SIK3: variants seen among roughly 807,000 people sequenced by gnomAD.
SIK3 encodes the protein serine/threonine-protein kinase SIK3.
SIK3 carries 28 observed loss-of-function variants against 144.2 expected under a neutral mutation model. That is an observed-to-expected ratio of 0.19 (90% CI 0.14 to 0.27). The LOEUF is 0.27. SIK3 is among the 10% of genes least tolerant of loss of function. The pLI, the probability that SIK3 is intolerant of heterozygous loss-of-function variation, is 1.00. For synonymous variants in SIK3, 686 were observed against 676.3 expected, an observed-to-expected ratio of 1.01 and a Z score of -0.22; for missense variants, 1,319 against 1,776.0, an observed-to-expected ratio of 0.74 and a Z score of 4.62.
At chr11:117,036,586 TTA>T (rs1271199615) in intron 1 of SIK3, among the ~76,000 whole-genome samples, 1 of 152,238 alleles carries the variant, frequency 6.6e-6, no homozygotes, top group African/African-American at 2.4e-5. Context: ...AAGCAGAATT[TTA>T]GACTTTTCTC....
intron 1 of SIK3, among the ~76,000 whole-genome samples, chr11:117,064,090 GGCT>G (rs1448816382): frequency 1.3e-5 from 2 of 152,134 alleles, no homozygotes; most frequent in Non-Finnish European, 2.9e-5. Flanking sequence ...AATTCACAGA[GGCT>G]GCTCAGGATA....
intron 3 of SIK3, 45 bp from the exon 4 acceptor site, chr11:116,927,425 T>A: frequency 6.3e-7 from 1 of 1,588,282 alleles, no homozygotes; most frequent in South Asian, 1.1e-5. Flanking sequence ...TGGACACTTG[T>A]GTAATTTCAA....
intron 1 of SIK3, among the ~76,000 whole-genome samples, chr11:117,006,166 G>T (rs1302477206): frequency 2.6e-5 from 4 of 152,236 alleles, no homozygotes; most frequent in East Asian, 3.9e-4. Context: ...GGCACAGCAG[G>T]GTTAAGCATT....
chr11:116,933,065 C>G (rs908679469), intron 3 of SIK3, among the ~76,000 whole-genome samples: 5 of 152,018 alleles, frequency 3.3e-5, no homozygotes, highest in African/African-American at 1.2e-4. Context: ...ACCACCATGA[C>G]TGGCCTGATA....
intron 1 of SIK3, among the ~76,000 whole-genome samples, chr11:116,974,282 A>G (rs996051495): frequency 3.3e-5 from 5 of 152,254 alleles, no homozygotes; most frequent in African/African-American, 9.6e-5. Flanking sequence ...ACCAGACTAA[A>G]CAACAGCTTT....
chr11:116,857,983 C>T lies in SIK3; in HGVS notation c.3482G>A (p.Ser1161Asn). ...GCAACCTTTGGTCAATGTACTTGAA[C>T]TCTTACTGTCTTGGAAGCCATCCTT... ...GAKDGFQDSK[S>N]SSTLTKGCHD... Residue 1161 changes from serine to asparagine, a missense_variant, in exon 21 of 25, where the codon AGT (serine) becomes AAT (asparagine). This residue lies in a region of SIK3 where 646 missense variants were observed against 763.7 expected (regional missense o/e 0.85). Coordinates refer to ENST00000445177, the MANE Select transcript of SIK3 (RefSeq NM_001366686.3). 1 of 1,614,208 alleles carries T rather than the reference C, an allele frequency of 6.2e-7. No homozygotes were observed. Among genetic ancestry groups the T allele is most frequent in the Non-Finnish European group, 8.5e-7 (1 of 1,180,038 alleles).
intron 1 of SIK3, among the ~76,000 whole-genome samples, chr11:116,983,754 T>C (rs556831174): frequency 1.3e-5 from 2 of 152,162 alleles, no homozygotes; most frequent in East Asian, 1.9e-4. Flanking sequence ...ACTGTAAACA[T>C]GGTCTAGAAC....
chr11:116,953,056 T>C (rs997242396), intron 3 of SIK3, among the ~76,000 whole-genome samples: 11 of 152,044 alleles, frequency 7.2e-5, no homozygotes, highest in African/African-American at 2.7e-4. Flanking sequence ...AAAGATACTT[T>C]GACACACAAA....
In SIK3 at chr11:117,079,741, G is replaced by GA. The variant is rs200010506; in HGVS notation, c.273+18401dup. ...AATTTTAAAAAGCAAGCCATAAAGAGAAAAAAAAACAGAAAAATCTGACTA... is the reference window on the plus strand; with the variant it reads ...AATTTTAAAAAGCAAGCCATAAAGAGAAAAAAAAAACAGAAAAATCTGACTA... On this transcript the variant is annotated intron_variant, in intron 1 of 24. Transcript: ENST00000445177. Among the ~76,000 whole-genome samples, 639 of 145,012 alleles carry GA rather than the reference G, an allele frequency of 4.4e-3. 4 individuals are homozygous for GA. Among genetic ancestry groups the GA allele is most frequent in the Middle Eastern group, 0.038 (11 of 290 alleles).
rs1942065876 is a variant in SIK3, at chr11:116,847,486, C to T, written c.3942G>A (p.Gly1314=). 6.2e-7 allele frequency: 1 copy of T among 1,614,178 alleles called. No homozygotes were observed. ...CATAAGGCTCCTCACCCTCATTTTCCCCATCCTGAAACTGCTGGCTGCCCA... is the reference window on the plus strand; with the variant it reads ...CATAAGGCTCCTCACCCTCATTTTCTCCATCCTGAAACTGCTGGCTGCCCA... The part of the protein sequence containing the change: ...SLMGSQQFQD[G]ENEECGASLG... The change falls in exon 23 of 25, where the codon GGG becomes GGA. Residue 1314 remains glycine, a synonymous_variant. Coordinates refer to ENST00000445177, the MANE Select transcript of SIK3 (RefSeq NM_001366686.3).
At chr11:117,005,556 G>A (rs908070448) in intron 1 of SIK3, among the ~76,000 whole-genome samples, 8 of 152,064 alleles carry the variant, frequency 5.3e-5, no homozygotes, top group Admixed American at 1.3e-4. Context: ...AGATTTTGAA[G>A]TCAGGCTCTC....
intron 1 of SIK3, among the ~76,000 whole-genome samples, chr11:116,958,724 A>G (rs908308768): frequency 6.6e-6 from 1 of 152,214 alleles, no homozygotes; most frequent in Non-Finnish European, 1.5e-5. Context: ...GAATTTAATG[A>G]GGATCTCACC....
chr11:116,875,558 A>C (rs917327589), intron 9 of SIK3, 107 bp from the exon 10 acceptor site: 2 of 1,302,012 alleles, frequency 1.5e-6, no homozygotes, highest in African/African-American at 3.0e-5. Context: ...CCTGATTACT[A>C]AAGTTTTTGG....
At chr11:116,954,878 A>G (rs1461692141) in intron 2 of SIK3, among the ~76,000 whole-genome samples, 1 of 152,196 alleles carries the variant, frequency 6.6e-6, no homozygotes, top group Non-Finnish European at 1.5e-5. Context: ...TGCTTATTGT[A>G]TATCTTTCTA....
At chr11:116,924,191 G>A (rs1947152868) in intron 4 of SIK3, among the ~76,000 whole-genome samples, 1 of 151,964 alleles carries the variant, frequency 6.6e-6, no homozygotes, top group Non-Finnish European at 1.5e-5. Flanking sequence ...CTACACGGGA[G>A]GCTGAGGTAG....
intron 1 of SIK3, among the ~76,000 whole-genome samples, chr11:117,091,667 T>C (rs1955254140): frequency 6.6e-6 from 1 of 152,220 alleles, no homozygotes; most frequent in South Asian, 2.1e-4. Context: ...AATATTCCTC[T>C]ACAGTGAGAA....
chr11:117,025,439 A>C (rs10892063), intron 1 of SIK3, among the ~76,000 whole-genome samples: 68,096 of 151,834 alleles, frequency 0.45, 18,995 homozygotes, highest in Non-Finnish European at 0.64. Flanking sequence ...AATCATATCT[A>C]TGCCCAATAC....
chr11:116,968,212 G>C (rs1170455729), intron 1 of SIK3, among the ~76,000 whole-genome samples: 1 of 151,918 alleles, frequency 6.6e-6, no homozygotes, highest in Non-Finnish European at 1.5e-5. Flanking sequence ...GCGCCATCTC[G>C]GCTCACTGCA....
chr11:116,857,821 A>G lies in SIK3; in HGVS notation c.3644T>C (p.Val1215Ala). Residue 1215 changes from valine (V) to alanine (A), a missense_variant, in exon 21 of 25, where the codon GTG (valine) becomes GCG (alanine). Transcript: ENST00000445177. ...QPTAAFSKNK[V>A]PSREPVIGNC... Reference sequence around the variant, plus strand: ...GAGGAGACACTTACCTCTGCTGGGCACCTTATTTTTACTGAATGCAGCAGT... The same window carrying G: ...GAGGAGACACTTACCTCTGCTGGGCGCCTTATTTTTACTGAATGCAGCAGT... 6.2e-7 allele frequency: 1 copy of G among 1,614,138 alleles called. No homozygotes were observed. Among genetic ancestry groups the G allele is most frequent in the Admixed American group, 1.7e-5 (1 of 60,022 alleles).
Sources: allele counts gnomAD v4.1 joint callset (sites outside exome capture counted in the v4.1 genomes callset), GRCh38; gene constraint gnomAD v4.1.1; regional missense constraint gnomAD v4.1.1; transcripts MANE v1.5; gene names NCBI Gene and HGNC (gene_info 2026-07-23, HGNC 2026-07-21).